Variants in MCF2 observed in about 807,000 individuals in gnomAD.
MCF2 encodes the protein proto-oncogene DBL.
MCF2 carries 44 observed loss-of-function variants against 82.5 expected under a neutral mutation model. That is an observed-to-expected ratio of 0.53 (90% confidence interval 0.42 to 0.69). MCF2 has a LOEUF of 0.69. MCF2 is among the 30% of genes least tolerant of loss of function. MCF2 has a pLI of 0.00. For missense variants in MCF2, 623 were observed against 663.1 expected, an observed-to-expected ratio of 0.94 and a Z score of 0.66; for synonymous variants, 217 against 224.9, an observed-to-expected ratio of 0.96 and a Z score of 0.32.
chrX:139,582,440 G>A lies in MCF2; in HGVS notation c.*31C>T, dbSNP rs775794891. On this transcript the variant is annotated 3_prime_UTR_variant, in exon 25 of 25. Transcript: ENST00000370576. ...AATGAGCTGAGAAGCAGGCAGGAAA[G>A]AGCTACTTGCCATTTGACATAGTAG... The A allele has an allele frequency of 1.2e-5, 14 of 1,204,494 alleles. No individual in the cohort carries two copies. The South Asian group carries it at 2.3e-4, about 20-fold the overall frequency.
chrX:139,608,995 C>T (rs1931278997), intron 11 of MCF2, among the ~76,000 whole-genome samples: 1 of 111,959 alleles, frequency 8.9e-6, no homozygotes, highest in Admixed American at 9.5e-5. Context: ...TCATATGCCA[C>T]ACATGTTCAA....
chrX:139,591,209 A>G (rs111421687), intron 19 of MCF2, among the ~76,000 whole-genome samples: 2,713 of 111,018 alleles, frequency 0.024, 41 homozygotes, highest in East Asian at 0.08. Flanking sequence ...TCTAAACTTC[A>G]GTTTCCTCAA....
intron 1 of MCF2, among the ~76,000 whole-genome samples, chrX:139,694,315 C>A (rs1319449629): frequency 9.7e-6 from 1 of 103,018 alleles, no homozygotes; most frequent in African/African-American, 3.6e-5. Flanking sequence ...AAACAAAAGT[C>A]AAATCACAAA....
chrX:139,599,684 A>T (rs1380496072), intron 16 of MCF2, among the ~76,000 whole-genome samples: 1 of 111,708 alleles, frequency 9.0e-6, no homozygotes, highest in Non-Finnish European at 1.9e-5. Flanking sequence ...GATATGGAGC[A>T]ATTAATACCC....
Position 139,665,897 on chromosome X carries a change from G to GTATATA in MCF2, c.-44-14115_-44-14110dup, listed in dbSNP as rs761065038. Among the ~76,000 whole-genome samples, 495 of 68,477 alleles carry GTATATA rather than the reference G, an allele frequency of 7.2e-3. 2 individuals are homozygous for GTATATA. Among genetic ancestry groups the GTATATA allele is most frequent in the Non-Finnish European group, 0.01 (396 of 38,989 alleles). The allele number at this position is 68,477 out of a possible 115,157, so 59.5% of individuals were successfully genotyped here. On this transcript the variant is annotated intron_variant, in intron 1 of 27. Transcript: ENST00000414978. The stretch of plus-strand genomic sequence containing the variant: ...TTATGGGTACATGGTAGGTGTGTGT[G>GTATATA]TATATATATATATATATATATATAT...
At chrX:139,670,065 C>T (rs1020969545) in intron 1 of MCF2, among the ~76,000 whole-genome samples, 1 of 111,233 alleles carries the variant, frequency 9.0e-6, no homozygotes, top group Admixed American at 9.6e-5. Flanking sequence ...CCAACTAAGC[C>T]ATTACCAAAA....
intron 1 of MCF2, among the ~76,000 whole-genome samples, chrX:139,690,552 T>C (rs1197095690): frequency 9.0e-6 from 1 of 110,573 alleles, no homozygotes; most frequent in Non-Finnish European, 1.9e-5. Flanking sequence ...GAAAATAATA[T>C]AGACCAGCTC....
intron 6 of MCF2, among the ~76,000 whole-genome samples, chrX:139,621,656 T>G (rs1298848679): frequency 9.0e-6 from 1 of 111,550 alleles, no homozygotes; most frequent in Non-Finnish European, 1.9e-5. Flanking sequence ...TAAATGGTGC[T>G]GGGAAAACTG....
At chrX:139,662,967 G>GA (rs760185267) in intron 1 of MCF2, among the ~76,000 whole-genome samples, 1 of 111,944 alleles carries the variant, frequency 8.9e-6, no homozygotes, top group Non-Finnish European at 1.9e-5. Context: ...TGCTGCAAAT[G>GA]ACATGATTTC....
At position 139,622,624 on chromosome X, in the gene MCF2, G is replaced by A. The variant is rs201425812; in HGVS notation, c.688-2918C>T. Among the ~76,000 whole-genome samples the A allele has an allele frequency of 8.2e-5, 9 of 109,215 alleles. No individual in the cohort carries two copies. In the East Asian group the frequency reaches 2.0e-3, roughly 25 times the overall value. 94.8% of individuals were successfully genotyped at this position (109,215 alleles called of 115,157 possible). A position where few individuals can be genotyped will look rare whatever the true frequency, so the allele number is the denominator to read the frequency against. ...AAACCATCATTCTCAGCAAACTATC[G>A]CAAGGACAAAAAAACCAAACACCGC... is the stretch of plus-strand genomic sequence containing the variant. On this transcript the variant is annotated intron_variant, in intron 6 of 24. Transcript: ENST00000370576.
At chrX:139,636,981 C>A (rs1386539878) in intron 1 of MCF2, among the ~76,000 whole-genome samples, 1 of 111,206 alleles carries the variant, frequency 9.0e-6, no homozygotes, top group African/African-American at 3.3e-5. Flanking sequence ...TTCCTTAATT[C>A]CTTCAAAATG....
At chrX:139,658,201 G>A (rs1934249559) in intron 1 of MCF2, among the ~76,000 whole-genome samples, 2 of 110,879 alleles carry the variant, frequency 1.8e-5, no homozygotes, top group Admixed American at 1.9e-4. Context: ...ATTTGTTTTG[G>A]GATTTGTTTA....
intron 1 of MCF2, among the ~76,000 whole-genome samples, chrX:139,690,425 C>G (rs367872633): frequency 9.6e-6 from 1 of 104,312 alleles, no homozygotes; most frequent in East Asian, 3.1e-4. Context: ...CTGTACTGCA[C>G]GGAATGTTTC....
chrX:139,689,305 C>T (rs1052268804), intron 1 of MCF2, among the ~76,000 whole-genome samples: 8 of 112,148 alleles, frequency 7.1e-5, no homozygotes, highest in African/African-American at 2.6e-4. Context: ...AGTTCCATCA[C>T]TCATAGCTGC....
At chrX:139,647,786 G>A (rs1933852904), upstream of MCF2, among the ~76,000 whole-genome samples, 1 of 111,932 alleles carries the variant, frequency 8.9e-6, no homozygotes. Context: ...CCTGAAGGAT[G>A]AGAAATATTG....
In MCF2 at chrX:139,627,660, G is replaced by A. The variant is rs146667574; in HGVS notation, c.439-904C>T. Among the ~76,000 whole-genome samples, 298 of 111,480 alleles carry A rather than the reference G, an allele frequency of 2.7e-3. 4 individuals carry two copies. In the East Asian group the frequency reaches 0.051, roughly 19 times the overall value. On this transcript the variant is annotated intron_variant, in intron 4 of 24. Coordinates refer to ENST00000370576, the Ensembl canonical transcript of MCF2. ...ATCAACATTAAAAGCCAATATTTACGAAGTACCAACTATGTACGGAACATT... is the reference window on the plus strand; with the variant it reads ...ATCAACATTAAAAGCCAATATTTACAAAGTACCAACTATGTACGGAACATT...
intron 1 of MCF2, among the ~76,000 whole-genome samples, chrX:139,696,398 T>C (rs1225875845): frequency 1.9e-5 from 2 of 106,630 alleles, no homozygotes; most frequent in African/African-American, 6.8e-5. Context: ...TCTCGTCTCC[T>C]CTTCTTTTCT....
rs967690721 is a variant in MCF2, at chrX:139,629,935, G to T, written c.289-91C>A. On this transcript the variant is annotated intron_variant, in intron 3 of 24. Coordinates refer to ENST00000370576, the Ensembl canonical transcript of MCF2. ...GTAAGTGTATTTGTTTTTATTGGGG[G>T]TATAACGGCAAACACATATACTATG... The T allele has an allele frequency of 8.6e-5, 63 of 729,327 alleles. 1 individual carries two copies. In the South Asian group the frequency reaches 1.5e-3, roughly 17 times the overall value. The allele number at this position is 729,327 out of a possible 1,213,427, so 60.1% of individuals were successfully genotyped here.
At chrX:139,660,624 C>T (rs1439865010) in intron 1 of MCF2, among the ~76,000 whole-genome samples, 1 of 112,037 alleles carries the variant, frequency 8.9e-6, no homozygotes, top group Non-Finnish European at 1.9e-5. Context: ...AAAGGTGAAA[C>T]AAATAAAAGG....
Sources: gnomAD v4.1 joint callset for allele counts (sites outside exome capture counted in the v4.1 genomes callset) on GRCh38, gnomAD v4.1.1 for gene constraint, MANE v1.5 for transcripts, NCBI Gene and HGNC (gene_info 2026-07-23, HGNC 2026-07-21) for gene names.